Variants in TRDN observed in about 807,000 individuals in gnomAD.
TRDN encodes triadin in skeletal muscle.
Under a neutral mutation model 149.7 loss-of-function variants are expected in TRDN, and 161 were observed. That is an observed-to-expected ratio of 1.08 (90% confidence interval 0.95 to 1.23). The LOEUF (loss-of-function observed/expected upper bound fraction) is 1.23. Ranked by LOEUF, TRDN falls within the 50% of genes most tolerant of loss-of-function variation. The pLI is 0.00. For missense variants in TRDN, 896 were observed against 823.5 expected, an observed-to-expected ratio of 1.09 and a Z score of -1.08; for synonymous variants, 294 against 250.5, an observed-to-expected ratio of 1.17 and a Z score of -1.64.
At chr6:123,364,829 C>T (rs999001120) in intron 20 of TRDN, among the ~76,000 whole-genome samples, 1 of 152,134 alleles carries the variant, frequency 6.6e-6, no homozygotes, top group Non-Finnish European at 1.5e-5. Context: ...AACTCTGTAT[C>T]TATGTCTATG....
chr6:123,588,143 T>C (rs1467769409), intron 1 of TRDN, among the ~76,000 whole-genome samples: 1 of 152,108 alleles, frequency 6.6e-6, no homozygotes, highest in African/African-American at 2.4e-5. Flanking sequence ...CAGGACAAGA[T>C]CTGGAAAGGG....
At chr6:123,219,510 G>A (rs150565231) in intron 40 of TRDN, among the ~76,000 whole-genome samples, 186 of 151,920 alleles carry the variant, frequency 1.2e-3, no homozygotes, top group African/African-American at 4.3e-3. Flanking sequence ...AAAAATCATA[G>A]TTAAAGCTAG....
chr6:123,488,277 A>G (rs1164505016), intron 9 of TRDN, among the ~76,000 whole-genome samples: 1 of 152,118 alleles, frequency 6.6e-6, no homozygotes, highest in East Asian at 1.9e-4. Context: ...ATAAGTATGC[A>G]AAAAAATGGT....
At chr6:123,393,780 G>A (rs910374354) in intron 12 of TRDN, 103 bp from the exon 13 acceptor site, 3 of 1,142,972 alleles carry the variant, frequency 2.6e-6, no homozygotes, top group Non-Finnish European at 2.5e-6. Context: ...CATAAAAAGT[G>A]TTGCTTTTGA....
chr6:123,579,570 A>G (rs183320104), intron 1 of TRDN, among the ~76,000 whole-genome samples: 11 of 152,218 alleles, frequency 7.2e-5, no homozygotes, highest in Admixed American at 3.3e-4. Flanking sequence ...TTTTGCATCA[A>G]TGTTTATCAA....
At chr6:123,468,074 G>A (rs559312503) in intron 9 of TRDN, among the ~76,000 whole-genome samples, 8 of 152,184 alleles carry the variant, frequency 5.3e-5, no homozygotes, top group Middle Eastern at 3.4e-3. Context: ...TTCTTTTCCC[G>A]ATAATGTATT....
intron 10 of TRDN, among the ~76,000 whole-genome samples, chr6:123,443,768 A>T (rs1419771417): frequency 6.7e-6 from 1 of 148,478 alleles, no homozygotes; most frequent in Non-Finnish European, 1.5e-5. Context: ...ACCATTTATT[A>T]AATAGGGAAT....
At chr6:123,335,830 G>T (rs1285895954) in intron 22 of TRDN, among the ~76,000 whole-genome samples, 3 of 151,842 alleles carry the variant, frequency 2.0e-5, no homozygotes, top group African/African-American at 4.8e-5. Flanking sequence ...AATGGAAGAA[G>T]GAAATATTTA....
intron 12 of TRDN, among the ~76,000 whole-genome samples, chr6:123,424,576 T>A (rs181125087): frequency 6.5e-4 from 99 of 152,210 alleles, no homozygotes; most frequent in Admixed American, 5.6e-3. Flanking sequence ...TCAGTTGCAA[T>A]AGGAAATTAA....
At position 123,252,417 on chromosome 6, in the gene TRDN, A is replaced by C. The variant is rs2114570730; in HGVS notation, c.1970T>G (p.Val657Gly). ...TTAATACAAACCGTACTTACTTGAT[A>C]CTCTTGCAGGTTTTTCTGCTAAAAA... is the stretch of plus-strand genomic sequence containing the variant. Reference protein sequence around the residue: ...NVTKAEKPARVSKDVEDVPAS... With the variant: ...NVTKAEKPARGSKDVEDVPAS... The change falls in exon 38 of 41, where the codon GTA (valine) becomes GGA (glycine). Residue 657 changes from valine (V) to glycine (G), a missense_variant. Coordinates refer to ENST00000334268, the MANE Select transcript of TRDN (RefSeq NM_006073.4). 1 of 1,520,506 alleles carries C rather than the reference A, an allele frequency of 6.6e-7. No individual in the cohort carries two copies. Among genetic ancestry groups the C allele is most frequent in the Admixed American group, 1.8e-5 (1 of 54,886 alleles). The allele number at this position is 1,520,506 out of a possible 1,614,324, so 94.2% of individuals were successfully genotyped here.
At chr6:123,311,551 C>G (rs1778821134) in intron 24 of TRDN, among the ~76,000 whole-genome samples, 1 of 151,976 alleles carries the variant, frequency 6.6e-6, no homozygotes, top group Admixed American at 6.6e-5. Context: ...CTCTTGAGTT[C>G]TACACCTAAG....
intron 12 of TRDN, among the ~76,000 whole-genome samples, chr6:123,435,688 A>G (rs1309116660): frequency 6.6e-6 from 1 of 152,174 alleles, no homozygotes. Context: ...AGTAAAAATG[A>G]CAAGCATACA....
intron 4 of TRDN, among the ~76,000 whole-genome samples, chr6:123,533,160 T>G (rs2114353434): frequency 6.6e-6 from 1 of 152,262 alleles, no homozygotes; most frequent in South Asian, 2.1e-4. Flanking sequence ...GGCATGAAAT[T>G]TTTAAAATTG....
chr6:123,519,707 A>T, intron 5 of TRDN, among the ~76,000 whole-genome samples: 1 of 150,694 alleles, frequency 6.6e-6, no homozygotes, highest in African/African-American at 2.5e-5. Context: ...ACTGCATAGG[A>T]CTAATCTTGA....
At chr6:123,352,515 T>A (rs754844305) in intron 21 of TRDN, 24 bp downstream of exon 21, 1 of 1,609,602 alleles carries the variant, frequency 6.2e-7, no homozygotes, top group East Asian at 2.2e-5. Context: ...GAAGATAATG[T>A]CAACCTCCTT....
intron 7 of TRDN, among the ~76,000 whole-genome samples, chr6:123,511,237 T>C (rs543498705): frequency 1.2e-4 from 18 of 152,282 alleles, no homozygotes; most frequent in African/African-American, 4.1e-4. Flanking sequence ...AGACTGTCCT[T>C]TCCTCAATAT....
At chr6:123,543,923 T>C (rs1780980558) in intron 4 of TRDN, among the ~76,000 whole-genome samples, 1 of 152,050 alleles carries the variant, frequency 6.6e-6, no homozygotes, top group East Asian at 1.9e-4. Context: ...TACATTATGA[T>C]TCTCTAAGGA....
intron 38 of TRDN, among the ~76,000 whole-genome samples, chr6:123,249,392 T>A (rs1776298686): frequency 6.6e-6 from 1 of 152,032 alleles, no homozygotes; most frequent in Non-Finnish European, 1.5e-5. Context: ...AAGAACTAAA[T>A]TAGAACTAAC....
chr6:123,383,290 A>G (rs953287664), intron 14 of TRDN, among the ~76,000 whole-genome samples: 3 of 152,112 alleles, frequency 2.0e-5, no homozygotes, highest in Non-Finnish European at 2.9e-5. Flanking sequence ...TGCCAGTAAC[A>G]TTGTGGTGAA....
Sources: gnomAD v4.1 joint callset for allele counts (sites outside exome capture counted in the v4.1 genomes callset) on GRCh38, gnomAD v4.1.1 for gene constraint, MANE v1.5 for transcripts, NCBI Gene and HGNC (gene_info 2026-07-23, HGNC 2026-07-21) for gene names.